EPHX2: variants seen among roughly 807,000 people sequenced by gnomAD.
EPHX2 encodes bifunctional epoxide hydrolase 2.
EPHX2 carries 74 observed loss-of-function variants against 78.7 expected under a neutral mutation model. The observed-to-expected ratio is 0.94, with a 90% CI of 0.78 to 1.14. The LOEUF (loss-of-function observed/expected upper bound fraction) is 1.14. Among genes scored for constraint, EPHX2 ranks in the 50% most tolerant of loss-of-function variants. EPHX2 has a pLI of 0.00. For missense variants in EPHX2, 715 were observed against 702.5 expected, an observed-to-expected ratio of 1.02 and a Z score of -0.20; for synonymous variants, 251 against 255.2, an observed-to-expected ratio of 0.98 and a Z score of 0.16.
intron 12 of EPHX2, among the ~76,000 whole-genome samples, chr8:27,533,518 A>G (rs1422346868): frequency 6.6e-6 from 1 of 152,228 alleles, no homozygotes; most frequent in Non-Finnish European, 1.5e-5. Flanking sequence ...TCTGGCTCCC[A>G]GCTTCATCCT....
intron 1 of EPHX2, among the ~76,000 whole-genome samples, chr8:27,496,392 C>T (rs1230603212): frequency 2.6e-5 from 4 of 152,114 alleles, no homozygotes; most frequent in African/African-American, 7.2e-5. Context: ...AGACCATCCA[C>T]GAAAGTTGGG....
intron 6 of EPHX2, among the ~76,000 whole-genome samples, chr8:27,515,031 C>T (rs889247088): frequency 3.9e-5 from 6 of 152,280 alleles, no homozygotes; most frequent in Non-Finnish European, 7.4e-5. Flanking sequence ...CAGAGAAACT[C>T]CAAACAGCCT....
chr8:27,505,443 C>T (rs577278091), intron 4 of EPHX2, among the ~76,000 whole-genome samples: 1 of 152,238 alleles, frequency 6.6e-6, no homozygotes, highest in South Asian at 2.1e-4. Context: ...AAATGGAGAT[C>T]CTGGGAGACT....
intron 11 of EPHX2, among the ~76,000 whole-genome samples, chr8:27,524,691 C>T (rs1264950948): frequency 6.6e-6 from 1 of 152,116 alleles, no homozygotes; most frequent in Non-Finnish European, 1.5e-5. Context: ...CCCCAGCTCT[C>T]CCCATTCTGA....
At chr8:27,517,494 C>T (rs541440945) in intron 8 of EPHX2, among the ~76,000 whole-genome samples, 9 of 152,278 alleles carry the variant, frequency 5.9e-5, no homozygotes, top group African/African-American at 2.2e-4. Flanking sequence ...TTTCAAACTA[C>T]ATTATAAGTC....
In EPHX2 at chr8:27,491,197, A is replaced by G; in HGVS notation, c.-12A>G. ...GCTGCGTGTCCGGGTGCTAGGCTGC[A>G]GACCCGCCGCCATGACGCTGCGCGC... On this transcript the variant is annotated 5_prime_UTR_variant, in exon 1 of 19. Transcript: ENST00000521400. 6.4e-7 allele frequency: 1 copy of G among 1,569,878 alleles called. No individual in the cohort carries two copies. Among genetic ancestry groups the G allele is most frequent in the South Asian group, 1.1e-5 (1 of 87,262 alleles).
At chr8:27,504,091 G>A (rs544219294) in intron 3 of EPHX2, among the ~76,000 whole-genome samples, 1 of 152,292 alleles carries the variant, frequency 6.6e-6, no homozygotes, top group South Asian at 2.1e-4. Context: ...GGCCTTTTTA[G>A]CAACTGTGAT....
intron 7 of EPHX2, among the ~76,000 whole-genome samples, chr8:27,516,043 C>A (rs934809958): frequency 4.6e-5 from 7 of 152,162 alleles, no homozygotes; most frequent in Non-Finnish European, 8.8e-5. Context: ...ACTCCATGCC[C>A]CCTGCTGGGA....
intron 6 of EPHX2, among the ~76,000 whole-genome samples, chr8:27,515,175 CAG>C (rs760717595): frequency 8.6e-5 from 13 of 151,740 alleles, no homozygotes; most frequent in South Asian, 2.1e-4. Flanking sequence ...TCTGGCCTTG[CAG>C]AGAGTCCCTG....
At chr8:27,493,702 T>TG (rs59162874) in intron 1 of EPHX2, among the ~76,000 whole-genome samples, 43,500 of 151,992 alleles carry the variant, frequency 0.29, 9,106 homozygotes, top group African/African-American at 0.6. Context: ...GTCCAGCTGG[T>TG]GGGAGGCAGA....
intron 12 of EPHX2, among the ~76,000 whole-genome samples, chr8:27,526,572 A>G (rs1473720437): frequency 6.6e-6 from 1 of 152,160 alleles, no homozygotes; most frequent in Non-Finnish European, 1.5e-5. Context: ...CTGCCATAAC[A>G]AAGGCTAGGT....
chr8:27,544,419 T>C (rs780429364), intron 18 of EPHX2, 25 bp from the exon 19 acceptor site: 2 of 1,613,768 alleles, frequency 1.2e-6, no homozygotes, highest in South Asian at 1.1e-5. Flanking sequence ...GCTATTTTTT[T>C]CTTTTACTTC....
At chr8:27,542,791 G>A (rs545473777) in intron 16 of EPHX2, among the ~76,000 whole-genome samples, 58 of 152,164 alleles carry the variant, frequency 3.8e-4, no homozygotes, top group Admixed American at 9.8e-4. Context: ...ACAGGAGTGC[G>A]CCACCACACC....
At chr8:27,503,509 T>G in intron 2 of EPHX2, 95 bp from the exon 3 acceptor site, 1 of 1,374,184 alleles carries the variant, frequency 7.3e-7, no homozygotes, top group Non-Finnish European at 9.8e-7. Flanking sequence ...GTGGAATTGC[T>G]TGGTCACAGG....
chr8:27,534,236 C>T (rs192768517), intron 12 of EPHX2, among the ~76,000 whole-genome samples: 60 of 152,324 alleles, frequency 3.9e-4, no homozygotes, highest in Non-Finnish European at 7.1e-4. Flanking sequence ...GCAGACATAG[C>T]TTTCATCAGA....
Position 27,522,506 on chromosome 8 carries a change from G to A in EPHX2, c.1056G>A (p.Val352=). The change falls in exon 11 of 19, where the codon GTG becomes GTA. Residue 352 remains valine, a splice_region_variant and synonymous_variant. Coordinates refer to ENST00000521400, the MANE Select transcript of EPHX2 (RefSeq NM_001979.6). The stretch of plus-strand genomic sequence containing the variant: ...TGGCTCTCTTCTACCCCGAGAGAGT[G>A]AGGTAATTGGGCCTCGGGCAATAAA... ...WYMALFYPER[V]RAVASLNTPF... is the part of the protein sequence containing the mutation. 6.2e-7 allele frequency: 1 copy of A among 1,613,946 alleles called. No individual in the cohort carries two copies. The highest frequency in any genetic ancestry group is 1.1e-5 in the South Asian group (1 of 91,024).
intron 12 of EPHX2, among the ~76,000 whole-genome samples, chr8:27,536,524 A>T (rs961489235): frequency 6.6e-6 from 1 of 152,208 alleles, no homozygotes; most frequent in Non-Finnish European, 1.5e-5. Flanking sequence ...CCTTCTCATT[A>T]TAGGAATATT....
intron 12 of EPHX2, among the ~76,000 whole-genome samples, chr8:27,535,664 T>G (rs1271612037): frequency 1.3e-5 from 2 of 152,012 alleles, no homozygotes; most frequent in East Asian, 1.9e-4. Context: ...ACTAGGAGAG[T>G]AGGATCCATG....
At chr8:27,521,985 A>T (rs748874614) in intron 10 of EPHX2, among the ~76,000 whole-genome samples, 2 of 152,216 alleles carry the variant, frequency 1.3e-5, no homozygotes, top group African/African-American at 2.4e-5. Flanking sequence ...AAAGAGAGAG[A>T]TTAAAGATGC....
Sources: allele counts gnomAD v4.1 joint callset (sites outside exome capture counted in the v4.1 genomes callset), GRCh38; gene constraint gnomAD v4.1.1; transcripts MANE v1.5; gene names NCBI Gene and HGNC (gene_info 2026-07-23, HGNC 2026-07-21).